The following ARHGAP21 variants were observed in gnomAD, a reference collection of about 807,000 sequenced individuals.
The protein encoded by ARHGAP21 is rho GTPase-activating protein 21.
ARHGAP21 carries 38 observed loss-of-function variants against 164.6 expected under a neutral mutation model. The observed-to-expected ratio is 0.23, with a 90% confidence interval of 0.18 to 0.30. ARHGAP21 has a LOEUF of 0.30. Among genes scored for constraint, ARHGAP21 ranks in the 10% least tolerant of loss-of-function variants. The pLI is 1.00. For missense variants in ARHGAP21, 1,822 were observed against 2,370.7 expected (o/e 0.77, Z 4.81); for synonymous variants, 766 against 857.9 (o/e 0.89, Z 1.87).
chr10:24,715,961 A>T (rs1054431354), intron 2 of ARHGAP21, among the ~76,000 whole-genome samples: 2 of 152,228 alleles, frequency 1.3e-5, no homozygotes, highest in Non-Finnish European at 2.9e-5. Flanking sequence ...GTGAGCGCAG[A>T]TTGCACCACT....
At chr10:24,651,022 G>C (rs1249698867) in intron 4 of ARHGAP21, among the ~76,000 whole-genome samples, 1 of 151,976 alleles carries the variant, frequency 6.6e-6, no homozygotes, top group Non-Finnish European at 1.5e-5. Context: ...AAAACACCAT[G>C]TTTTCACTTG....
intron 2 of ARHGAP21, among the ~76,000 whole-genome samples, chr10:24,680,328 A>G (rs977761244): frequency 6.6e-6 from 1 of 152,202 alleles, no homozygotes; most frequent in Admixed American, 6.5e-5. Context: ...AACACTTTAA[A>G]AACTATACAG....
chr10:24,680,922 A>T (rs890454615), intron 2 of ARHGAP21, among the ~76,000 whole-genome samples: 1 of 152,232 alleles, frequency 6.6e-6, no homozygotes, highest in African/African-American at 2.4e-5. Context: ...TAGCAGTTAA[A>T]TTCCTGTGGA....
intron 9 of ARHGAP21, among the ~76,000 whole-genome samples, chr10:24,611,415 ACT>A (rs1212328785): frequency 6.6e-6 from 1 of 152,182 alleles, no homozygotes; most frequent in African/African-American, 2.4e-5. Flanking sequence ...ACGAAAAAAG[ACT>A]CACAGGCCAG....
chr10:24,633,587 T>A (rs1836050435), intron 5 of ARHGAP21, 107 bp from the exon 6 acceptor site: 1 of 599,052 alleles, frequency 1.7e-6, no homozygotes, highest in Non-Finnish European at 2.8e-6. Flanking sequence ...GTCGTATATA[T>A]TAAAATAATA....
chr10:24,590,663 T>C (rs1390965996), intron 24 of ARHGAP21: 2 of 1,346,080 alleles, frequency 1.5e-6, no homozygotes, highest in African/African-American at 1.5e-5. Flanking sequence ...TAACCAAGCA[T>C]TAGGGTGGCA....
At chr10:24,607,235 A>T (rs1435912304) in intron 11 of ARHGAP21, among the ~76,000 whole-genome samples, 1 of 151,792 alleles carries the variant, frequency 6.6e-6, no homozygotes, top group Non-Finnish European at 1.5e-5. Context: ...TACACAAAAG[A>T]AAACAGTAAC....
chr10:24,653,602 A>G (rs1038816882), intron 4 of ARHGAP21, among the ~76,000 whole-genome samples: 5 of 151,890 alleles, frequency 3.3e-5, no homozygotes, highest in African/African-American at 1.2e-4. Context: ...AAAAAGAGAC[A>G]AGGTCTCACT....
In ARHGAP21 at chr10:24,585,377, C is replaced by T; in HGVS notation, c.4912G>A (p.Glu1638Lys). The T allele has an allele frequency of 3.1e-6, 5 of 1,613,948 alleles. No individual in the cohort carries two copies. Among genetic ancestry groups the T allele is most frequent in the African/African-American group, 1.3e-5 (1 of 75,056 alleles). ...GTGGGGAACACGGGAAACTCGCTCT[C>T]GCTGTCGGTTTCCACAGGCCGCCCT... is the stretch of plus-strand genomic sequence containing the variant. Reference protein sequence around the residue: ...SEGRPVETDSESEFPVFPTAL... With the variant: ...SEGRPVETDSKSEFPVFPTAL... The change falls in exon 26 of 26, where the codon GAG (glutamate) becomes AAG (lysine). Residue 1638 changes from glutamate to lysine, a missense_variant. By Grantham distance (56) the Glu-to-Lys change is moderately conservative. Around this residue, in one of 5 missense-constraint regions of ARHGAP21, gnomAD observed 333 missense variants for 383.9 expected, o/e 0.87. Coordinates refer to ENST00000396432, the MANE Select transcript of ARHGAP21 (RefSeq NM_020824.4).
At chr10:24,613,070 A>G (rs1322913371) in intron 9 of ARHGAP21, among the ~76,000 whole-genome samples, 7 of 151,990 alleles carry the variant, frequency 4.6e-5, no homozygotes, top group South Asian at 2.1e-4. Context: ...GTTAAGCCCA[A>G]TGAAATAAAG....
chr10:24,683,271 A>T (rs556622887), intron 2 of ARHGAP21, among the ~76,000 whole-genome samples: 2 of 152,276 alleles, frequency 1.3e-5, no homozygotes, highest in Admixed American at 1.3e-4. Context: ...ACATTCATTT[A>T]TAATAATACT....
At chr10:24,609,570 C>T (rs2077167879) in intron 9 of ARHGAP21, among the ~76,000 whole-genome samples, 1 of 152,146 alleles carries the variant, frequency 6.6e-6, no homozygotes, top group African/African-American at 2.4e-5. Context: ...GCTAAACATA[C>T]TTTTAAAGTA....
At chr10:24,590,378 G>A in intron 24 of ARHGAP21, 4 of 1,535,366 alleles carry the variant, frequency 2.6e-6, no homozygotes, top group Non-Finnish European at 3.5e-6. Context: ...CAGCTACAGT[G>A]TGGACAACAG....
chr10:24,622,722 G>A lies in ARHGAP21; in HGVS notation c.525+11C>T, dbSNP rs573668254. On this transcript the variant is annotated intron_variant, in intron 8 of 25. Coordinates refer to ENST00000396432, the MANE Select transcript of ARHGAP21 (RefSeq NM_020824.4). ...TAAAAAGCAAGGAAATGGCTACTGT[G>A]CATTTCTTACCAGTGCTGTGACATC... is the stretch of plus-strand genomic sequence containing the variant. 1 of 1,608,852 alleles carries A rather than the reference G, an allele frequency of 6.2e-7. No homozygotes were observed.
At chr10:24,615,394 A>G (rs1179595639) in intron 9 of ARHGAP21, among the ~76,000 whole-genome samples, 1 of 152,172 alleles carries the variant, frequency 6.6e-6, no homozygotes, top group Non-Finnish European at 1.5e-5. Context: ...ACGTTGGGGT[A>G]AGAGGGAGGA....
intron 21 of ARHGAP21, among the ~76,000 whole-genome samples, chr10:24,594,033 G>A (rs1487789307): frequency 6.6e-6 from 1 of 151,976 alleles, no homozygotes; most frequent in Non-Finnish European, 1.5e-5. Flanking sequence ...TCACTAAACT[G>A]ATCTATCTTT....
chr10:24,600,732 A>G lies in ARHGAP21; in HGVS notation c.3046T>C (p.Cys1016Arg), dbSNP rs1199739330. Residue 1016 changes from cysteine to arginine, a missense_variant, in exon 14 of 26, where the codon TGT (cysteine) becomes CGT (arginine). Cys to Arg is a radical substitution (Grantham distance 180). This residue lies in a region of ARHGAP21 where 1,090 missense variants were observed against 1,378.9 expected (regional missense o/e 0.79). Coordinates refer to ENST00000396432, the MANE Select transcript of ARHGAP21 (RefSeq NM_020824.4). ...KNVFRLTTSD[C>R]ECLFQAEDRD... ...TCTTCAGCCTGAAACAGGCATTCAC[A>G]GTCGGACGTGGTGAGTCGAAACACA... 7 of 1,613,996 alleles carry G rather than the reference A, an allele frequency of 4.3e-6. No individual in the cohort carries two copies. Among genetic ancestry groups the G allele is most frequent in the Admixed American group, 1.7e-5 (1 of 60,022 alleles).
chr10:24,627,418 A>G (rs1835246418), intron 7 of ARHGAP21, among the ~76,000 whole-genome samples: 1 of 151,896 alleles, frequency 6.6e-6, no homozygotes, highest in Admixed American at 6.6e-5. Flanking sequence ...AAAATTATAT[A>G]TTCCTTTGAT....
chr10:24,687,960 G>T (rs986520315), intron 2 of ARHGAP21, among the ~76,000 whole-genome samples: 10 of 152,234 alleles, frequency 6.6e-5, no homozygotes, highest in African/African-American at 2.4e-4. Flanking sequence ...TTTTTATAAT[G>T]TAAGTTAATT....
Sources: allele counts gnomAD v4.1 joint callset (sites outside exome capture counted in the v4.1 genomes callset), GRCh38; gene constraint gnomAD v4.1.1; regional missense constraint gnomAD v4.1.1; transcripts MANE v1.5; gene names NCBI Gene and HGNC (gene_info 2026-07-23, HGNC 2026-07-21).